The following NLRP8 variants were observed in gnomAD, a reference collection of about 807,000 sequenced individuals.
NLRP8 encodes NLR family pyrin domain containing 8.
NLRP8 carries 86 observed loss-of-function variants against 88.7 expected under a neutral mutation model. The observed-to-expected ratio is 0.97, with a 90% CI of 0.81 to 1.16. The LOEUF is 1.16. NLRP8 is among the 50% of genes most tolerant of loss of function. The probability of loss-of-function intolerance (pLI) is 0.00; values close to 1 mark genes in which losing one functional copy is unlikely to be tolerated. For missense variants in NLRP8, 1,342 were observed against 1,286.5 expected (o/e 1.04, Z -0.66); for synonymous variants, 504 against 494.6 (o/e 1.02, Z -0.25).
In NLRP8 at chr19:55,988,535, G is replaced by T. The variant is rs999448250; in HGVS notation, c.*622G>T. The T allele has an allele frequency of 6.8e-6, 1 of 147,180 alleles. No homozygotes were observed. Among genetic ancestry groups the T allele is most frequent in the South Asian group, 2.1e-4 (1 of 4,668 alleles). The allele number at this position is 147,180 out of a possible 1,614,324, so 9.1% of individuals were successfully genotyped here. A position where few individuals can be genotyped will look rare whatever the true frequency, so the allele number is the denominator to read the frequency against. ...ACAGGATATAGACAAAGTCTTCATC[G>T]TCTTCTTGCTTCTTCTACCTTTATT... is the stretch of plus-strand genomic sequence containing the variant. On this transcript the variant is annotated 3_prime_UTR_variant, in exon 10 of 10. Transcript: ENST00000291971.
At chr19:55,959,004 G>A (rs996979944) in intron 3 of NLRP8, among the ~76,000 whole-genome samples, 2 of 143,378 alleles carry the variant, frequency 1.4e-5, no homozygotes, top group Admixed American at 7.0e-5. Flanking sequence ...TCAGCCTCCC[G>A]AGTAGCTGGG....
Position 55,955,065 on chromosome 19 carries a change from T to C in NLRP8, c.1007T>C (p.Phe336Ser). The stretch of plus-strand genomic sequence containing the variant: ...GCCACGCTACTGATCATGATAAGAT[T>C]TACCTCTTGGCAGACATGCAAGCCC... Residue 336 changes from phenylalanine to serine, a missense_variant, in exon 3 of 10, where the codon TTT becomes TCT. Phe to Ser is a radical substitution (Grantham distance 155, BLOSUM62 -2). Transcript: ENST00000291971. 1 of 1,614,076 alleles carries C rather than the reference T, an allele frequency of 6.2e-7. No individual in the cohort carries two copies. The highest frequency in any genetic ancestry group is 8.5e-7 in the Non-Finnish European group (1 of 1,179,988).
At chr19:55,956,628 G>A (rs977002882) in intron 3 of NLRP8, among the ~76,000 whole-genome samples, 2 of 152,106 alleles carry the variant, frequency 1.3e-5, no homozygotes, top group Non-Finnish European at 2.9e-5. Context: ...GGATTAAGGA[G>A]ATTTCTCAGA....
At chr19:55,949,383 G>A (rs1244757077) in intron 1 of NLRP8, among the ~76,000 whole-genome samples, 3 of 151,972 alleles carry the variant, frequency 2.0e-5, no homozygotes, top group South Asian at 4.2e-4. Flanking sequence ...GATTACAGGT[G>A]CGCACCACCA....
At chr19:55,981,537 G>A (rs957333463) in intron 9 of NLRP8, among the ~76,000 whole-genome samples, 7 of 152,102 alleles carry the variant, frequency 4.6e-5, no homozygotes, top group Admixed American at 4.6e-4. Flanking sequence ...TTAAAAATAT[G>A]CATGAATGCA....
chr19:55,986,736 C>T (rs1413977535), intron 9 of NLRP8, among the ~76,000 whole-genome samples: 5 of 152,258 alleles, frequency 3.3e-5, no homozygotes, highest in Middle Eastern at 3.4e-3. Flanking sequence ...GCCACGTGGG[C>T]GTGGAGCTGG....
Position 55,954,551 on chromosome 19 carries a change from T to C in NLRP8, c.493T>C (p.Trp165Arg). The C allele has an allele frequency of 1.9e-6, 3 of 1,614,178 alleles. No individual in the cohort carries two copies. Among genetic ancestry groups the C allele is most frequent in the Non-Finnish European group, 2.5e-6 (3 of 1,180,024 alleles). The change falls in exon 3 of 10, where the codon TGG (tryptophan) becomes CGG (arginine). Residue 165 changes from tryptophan (W) to arginine (R), a missense_variant. By Grantham distance (101) the Trp-to-Arg change is moderately radical. Transcript: ENST00000291971. ...TGTGATGGAAAAGTTTTTCCCCATATGGGACATTACGACTTGGCCTGGAAA... is the reference window on the plus strand; with the variant it reads ...TGTGATGGAAAAGTTTTTCCCCATACGGGACATTACGACTTGGCCTGGAAA...
chr19:55,976,117 C>T lies in NLRP8; in HGVS notation c.2706-16C>T, dbSNP rs1980305693. The T allele has an allele frequency of 1.4e-5, 22 of 1,569,804 alleles. No homozygotes were observed. Among genetic ancestry groups the T allele is most frequent in the Admixed American group, 2.0e-5 (1 of 50,732 alleles). On this transcript the variant is annotated splice_polypyrimidine_tract_variant and intron_variant, in intron 7 of 9. Transcript: ENST00000291971. ...AGTTGTTGTTGTTGTTGTTTTTAACCTGTGTTTCTTTGCAGACTGAGAAAG... is the reference window on the plus strand; with the variant it reads ...AGTTGTTGTTGTTGTTGTTTTTAACTTGTGTTTCTTTGCAGACTGAGAAAG...
chr19:55,985,833 T>C (rs1002106849), intron 9 of NLRP8, among the ~76,000 whole-genome samples: 2 of 152,064 alleles, frequency 1.3e-5, no homozygotes, highest in African/African-American at 4.8e-5. Flanking sequence ...TTGGCCAACA[T>C]AGTGAAACCC....
rs756711324 is a variant in NLRP8 at position 55,973,696 on chromosome 19, C to A, written c.2579C>A (p.Ala860Asp). The A allele has an allele frequency of 6.2e-7, 1 of 1,613,710 alleles. No individual in the cohort carries two copies. The highest frequency in any genetic ancestry group is 1.7e-5 in the Admixed American group (1 of 59,990). Residue 860 changes from alanine (A) to aspartate (D), a missense_variant, in exon 7 of 10, where the codon GCC (alanine) becomes GAC (aspartate). By Grantham distance (126) the Ala-to-Asp change is moderately radical. Transcript: ENST00000291971. The stretch of plus-strand genomic sequence containing the variant: ...ACACAGCTTACTTGTGAAAGCCTTG[C>A]CTCCTGTCTCAGGCAGAGTAAGATG...
chr19:55,953,651 C>T (rs545746289), intron 2 of NLRP8, among the ~76,000 whole-genome samples: 2 of 152,110 alleles, frequency 1.3e-5, no homozygotes, highest in South Asian at 4.2e-4. Flanking sequence ...AGGCACATGC[C>T]ACCACGCCCA....
At chr19:55,970,311 G>C (rs1339428828) in intron 5 of NLRP8, among the ~76,000 whole-genome samples, 2 of 152,230 alleles carry the variant, frequency 1.3e-5, no homozygotes, top group East Asian at 1.9e-4. Context: ...AATAGTTAGA[G>C]CTCAGTCGTT....
intron 7 of NLRP8, among the ~76,000 whole-genome samples, chr19:55,975,168 A>G (rs561663600): frequency 6.6e-6 from 1 of 152,318 alleles, no homozygotes; most frequent in Admixed American, 6.5e-5. Context: ...CTTGTCTCAC[A>G]TGAGAATATG....
chr19:55,970,791 G>C (rs1420949481), intron 6 of NLRP8, 95 bp downstream of exon 6: 1 of 1,518,002 alleles, frequency 6.6e-7, no homozygotes, highest in Non-Finnish European at 9.0e-7. Flanking sequence ...TCATAGGGAA[G>C]GTACATGTAT....
intron 5 of NLRP8, among the ~76,000 whole-genome samples, 194 bp downstream of exon 5, chr19:55,966,574 G>A (rs545565375): frequency 3.9e-5 from 6 of 152,146 alleles, no homozygotes; most frequent in Non-Finnish European, 5.9e-5. Context: ...AGGCTGAGGC[G>A]GGAGGATCAC....
At chr19:55,951,088 A>T (rs1458532149) in intron 1 of NLRP8, among the ~76,000 whole-genome samples, 1 of 152,172 alleles carries the variant, frequency 6.6e-6, no homozygotes, top group African/African-American at 2.4e-5. Flanking sequence ...AAAAAAAATA[A>T]GAATAAAAAT....
At chr19:55,987,483 A>G (rs1012713617) in intron 9 of NLRP8, among the ~76,000 whole-genome samples, 1 of 152,204 alleles carries the variant, frequency 6.6e-6, no homozygotes, top group African/African-American at 2.4e-5. Context: ...AATTGTGCAA[A>G]TACTATGGTT....
At chr19:55,960,820 T>TAGAG (rs1360522428) in intron 3 of NLRP8, among the ~76,000 whole-genome samples, 6 of 152,186 alleles carry the variant, frequency 3.9e-5, no homozygotes, top group Middle Eastern at 3.4e-3. Flanking sequence ...TGAAGTATTC[T>TAGAG]TTGAAAAATA....
chr19:55,976,201 C>A lies in NLRP8; in HGVS notation c.2774C>A (p.Thr925Asn), dbSNP rs760009831. The A allele has an allele frequency of 3.1e-6, 5 of 1,613,386 alleles. No individual in the cohort carries two copies. In the South Asian group the frequency reaches 3.3e-5, roughly 11 times the overall value. The stretch of plus-strand genomic sequence containing the variant: ...ATCTCTGCGCTCTGTAAAAATAAAA[C>A]CCTGAAAAGTCTTGACCTAAGTTTT... Residue 925 changes from threonine (T) to asparagine (N), a missense_variant, in exon 8 of 10, where the codon ACC becomes AAC. By Grantham distance (65) the Thr-to-Asn change is moderately conservative. Coordinates refer to ENST00000291971, the MANE Select transcript of NLRP8 (RefSeq NM_176811.2).
Sources: allele counts gnomAD v4.1 joint callset (sites outside exome capture counted in the v4.1 genomes callset), GRCh38; gene constraint gnomAD v4.1.1; transcripts MANE v1.5; gene names NCBI Gene and HGNC (gene_info 2026-07-23, HGNC 2026-07-21).